ADGRL3: variants seen among roughly 807,000 people sequenced by gnomAD.
ADGRL3 encodes the protein calcium-independent alpha-latrotoxin receptor 3.
A neutral mutation model predicts 153.5 loss-of-function variants in ADGRL3; 62 were observed. The ratio of observed to expected loss-of-function variants is 0.40; its 90% CI spans 0.33 to 0.50. The LOEUF is 0.50. ADGRL3 is among the 20% of genes least tolerant of loss of function. The pLI is 0.47. For missense variants in ADGRL3, 1,641 were observed against 1,859.4 expected (o/e 0.88, Z 2.16); for synonymous variants, 710 against 672.5 (o/e 1.06, Z -0.86).
At chr4:61,620,717 T>G (rs2092445285) in intron 5 of ADGRL3, among the ~76,000 whole-genome samples, 1 of 141,120 alleles carries the variant, frequency 7.1e-6, no homozygotes, top group Admixed American at 7.7e-5. Context: ...CTCGGCTTAC[T>G]GCAACTTCTG....
chr4:61,733,414 T>C lies in ADGRL3; in HGVS notation c.1259T>C (p.Leu420Ser). 2 of 1,613,748 alleles carry C rather than the reference T, an allele frequency of 1.2e-6. No homozygotes were observed. The highest frequency in any genetic ancestry group is 4.5e-5 in the East Asian group (2 of 44,856). The change falls in exon 8 of 27, where the codon TTG (leucine) becomes TCG (serine). Residue 420 changes from leucine to serine, a missense_variant. Around this residue, in one of 5 missense-constraint regions of ADGRL3, gnomAD observed 734 missense variants for 797.0 expected, o/e 0.92. Transcript: ENST00000683033. ...AACACTGACCAAAGCAAGGATAGTT[T>C]GGTGGATGTACCCTTTCCTAATTCA... is the stretch of plus-strand genomic sequence containing the variant. ...IYNTDQSKDS[L>S]VDVPFPNSYQ... is the part of the protein sequence containing the mutation.
Position 61,214,010 on chromosome 4 carries a change from G to T in ADGRL3, c.-240+12245G>T, listed in dbSNP as rs569672001. Among the ~76,000 whole-genome samples the T allele has an allele frequency of 9.9e-5, 15 of 152,210 alleles. No individual in the cohort carries two copies. In the East Asian group the frequency reaches 2.9e-3, roughly 29 times the overall value. ...TTTTGGAAACTCTTTCTTAAGAATT[G>T]TTAACTCTCAGTTGTGTATTGTTCA... On this transcript the variant is annotated intron_variant, in intron 1 of 26. Coordinates refer to ENST00000683033, the MANE Select transcript of ADGRL3 (RefSeq NM_001387552.1).
intron 4 of ADGRL3, among the ~76,000 whole-genome samples, chr4:61,573,575 A>T (rs1192937696): frequency 6.6e-6 from 1 of 151,896 alleles, no homozygotes; most frequent in African/African-American, 2.4e-5. Flanking sequence ...TTCTAAGTTG[A>T]TATTCATGTA....
chr4:62,057,779 G>C (rs1323213162), intron 25 of ADGRL3, among the ~76,000 whole-genome samples: 2 of 152,202 alleles, frequency 1.3e-5, no homozygotes, highest in East Asian at 3.9e-4. Context: ...CCAGGCTCAG[G>C]TGATCCTCCT....
chr4:61,663,931 G>A (rs1228549024), intron 5 of ADGRL3, among the ~76,000 whole-genome samples: 1 of 152,140 alleles, frequency 6.6e-6, no homozygotes, highest in Admixed American at 6.5e-5. Context: ...ATTACAAGAT[G>A]TCATAAGTTG....
At chr4:61,269,100 C>G (rs576913557) in intron 1 of ADGRL3, among the ~76,000 whole-genome samples, 1 of 151,530 alleles carries the variant, frequency 6.6e-6, no homozygotes, top group African/African-American at 2.4e-5. Context: ...TTTTTGGCCC[C>G]AAGGGAGCTG....
chr4:61,594,688 C>T (rs1474808196), intron 5 of ADGRL3, among the ~76,000 whole-genome samples: 3 of 152,166 alleles, frequency 2.0e-5, no homozygotes, highest in Non-Finnish European at 2.9e-5. Context: ...ACCACCATCA[C>T]TGGGACTGTG....
intron 18 of ADGRL3, among the ~76,000 whole-genome samples, chr4:61,980,418 CTCTT>C (rs900233423): frequency 5.5e-5 from 8 of 145,798 alleles, no homozygotes; most frequent in East Asian, 2.1e-4. Flanking sequence ...ATCTCTCTGT[CTCTT>C]TCTTTCTTTC....
chr4:61,848,592 G>A (rs1229335274), intron 9 of ADGRL3, among the ~76,000 whole-genome samples: 1 of 152,014 alleles, frequency 6.6e-6, no homozygotes, highest in Non-Finnish European at 1.5e-5. Flanking sequence ...ACAGGTACCA[G>A]GGGTTAGGAC....
chr4:61,837,055 C>A (rs1839614), intron 9 of ADGRL3, among the ~76,000 whole-genome samples: 1 of 151,794 alleles, frequency 6.6e-6, no homozygotes, highest in East Asian at 1.9e-4. Flanking sequence ...TATTTTTATC[C>A]TCATTATAGA....
intron 2 of ADGRL3, among the ~76,000 whole-genome samples, chr4:61,417,215 C>G (rs932271628): frequency 1.3e-5 from 2 of 152,022 alleles, no homozygotes; most frequent in Non-Finnish European, 2.9e-5. Flanking sequence ...CAAACAAGAC[C>G]GGGGGTGGTG....
intron 1 of ADGRL3, among the ~76,000 whole-genome samples, chr4:61,220,396 C>A (rs1744934655): frequency 6.6e-6 from 1 of 152,140 alleles, no homozygotes; most frequent in Admixed American, 6.5e-5. Context: ...AACCATGGGA[C>A]TGCCACATAG....
At chr4:61,906,171 G>A (rs1033040314) in intron 11 of ADGRL3, 1 of 151,658 alleles carries the variant, frequency 6.6e-6, no homozygotes, top group African/African-American at 2.4e-5. Flanking sequence ...TTTCTCAATA[G>A]CATGCAAATA....
At chr4:61,497,515 C>CTTTTTTTT (rs5858707) in intron 3 of ADGRL3, among the ~76,000 whole-genome samples, 167 bp downstream of exon 3, 1 of 95,340 alleles carries the variant, frequency 1.0e-5, no homozygotes, top group Non-Finnish European at 2.3e-5. Flanking sequence ...CTTTTCTTTT[C>CTTTTTTTT]TTTTTTTTTT....
intron 1 of ADGRL3, among the ~76,000 whole-genome samples, chr4:61,248,098 T>A (rs1231036515): frequency 6.6e-6 from 1 of 152,144 alleles, no homozygotes. Flanking sequence ...AACTGCTCTA[T>A]GTGTGAAATG....
At chr4:61,835,351 A>G (rs940518909) in intron 9 of ADGRL3, among the ~76,000 whole-genome samples, 8 of 147,300 alleles carry the variant, frequency 5.4e-5, no homozygotes, top group Non-Finnish European at 1.2e-4. Flanking sequence ...AAAAAAAAAA[A>G]AAAAAAAAAG....
At chr4:61,379,513 C>G (rs898469112) in intron 1 of ADGRL3, among the ~76,000 whole-genome samples, 1 of 151,956 alleles carries the variant, frequency 6.6e-6, no homozygotes, top group East Asian at 1.9e-4. Flanking sequence ...TTTTAAGTCT[C>G]AATTACACTG....
At chr4:61,431,528 C>T (rs541998581) in intron 2 of ADGRL3, among the ~76,000 whole-genome samples, 1 of 152,158 alleles carries the variant, frequency 6.6e-6, no homozygotes, top group East Asian at 1.9e-4. Flanking sequence ...TTAAACTGTT[C>T]TAAATATTTT....
In ADGRL3 at chr4:61,675,948, C is replaced by G. The variant is rs188718543; in HGVS notation, c.474-878C>G. Among the ~76,000 whole-genome samples, 190 of 151,542 alleles carry G rather than the reference C, an allele frequency of 1.3e-3. 3 individuals carry two copies. Among genetic ancestry groups the G allele is most frequent in the East Asian group, 7.4e-3 (38 of 5,160 alleles). ...CCAGGAACCATCTTCACTTCCTCCC[C>G]CCTCTACCCCTCACTCCGTTCCCAG... On this transcript the variant is annotated intron_variant, in intron 5 of 26. Coordinates refer to ENST00000683033, the MANE Select transcript of ADGRL3 (RefSeq NM_001387552.1).
Sources: gnomAD v4.1 joint callset for allele counts (sites outside exome capture counted in the v4.1 genomes callset) on GRCh38, gnomAD v4.1.1 for gene constraint, gnomAD v4.1.1 regional missense constraint, MANE v1.5 for transcripts, NCBI Gene and HGNC (gene_info 2026-07-23, HGNC 2026-07-21) for gene names.